The following CYP2C19 variants were observed in gnomAD, a reference collection of about 807,000 sequenced individuals.
The protein encoded by CYP2C19 is cytochrome P450 2C19.
Under a neutral mutation model 40.9 loss-of-function variants are expected in CYP2C19, and 59 were observed. The observed-to-expected ratio is 1.44, with a 90% confidence interval of 1.17 to 1.79. The LOEUF is 1.79. Among genes scored for constraint, CYP2C19 ranks in the 40% most tolerant of loss-of-function variants. The pLI, the probability that CYP2C19 is intolerant of heterozygous loss-of-function variation, is 0.00. For missense variants in CYP2C19, 754 were observed against 596.9 expected, an observed-to-expected ratio of 1.26 and a Z score of -2.74; for synonymous variants, 253 against 208.7, an observed-to-expected ratio of 1.21 and a Z score of -1.83.
At chr10:94,787,547 G>A (rs747476579) in intron 5 of CYP2C19, among the ~76,000 whole-genome samples, 2 of 151,818 alleles carry the variant, frequency 1.3e-5, no homozygotes, top group Non-Finnish European at 2.9e-5. Flanking sequence ...TGCTTTTGAG[G>A]GATTATTCAT....
chr10:94,823,729 A>C (rs956016183), intron 6 of CYP2C19, among the ~76,000 whole-genome samples: 4 of 152,206 alleles, frequency 2.6e-5, no homozygotes, highest in Admixed American at 1.3e-4. Context: ...TATTAATAGA[A>C]ATAGTGTGTT....
chr10:94,776,409 T>C (rs866078968), intron 3 of CYP2C19: 1 of 152,274 alleles, frequency 6.6e-6, no homozygotes, highest in African/African-American at 2.4e-5. Context: ...TACTCACCTA[T>C]GAAGTTTTAC....
intron 5 of CYP2C19, among the ~76,000 whole-genome samples, chr10:94,810,207 C>T (rs912874144): frequency 7.2e-5 from 11 of 152,166 alleles, no homozygotes; most frequent in Admixed American, 2.0e-4. Context: ...ATGTGTTGAA[C>T]GAGCCTTGCA....
intron 5 of CYP2C19, among the ~76,000 whole-genome samples, chr10:94,783,580 A>G (rs1356129967): frequency 6.6e-6 from 1 of 152,126 alleles, no homozygotes; most frequent in Non-Finnish European, 1.5e-5. Context: ...CAACCTTGTC[A>G]AAACCCAATT....
chr10:94,837,444 G>A (rs1274229392), intron 6 of CYP2C19, among the ~76,000 whole-genome samples: 1 of 152,200 alleles, frequency 6.6e-6, no homozygotes, highest in East Asian at 1.9e-4. Context: ...CCTCAAGCAG[G>A]GGACAACCAA....
At position 94,781,957 on chromosome 10, in the gene CYP2C19, C is replaced by G; in HGVS notation, c.779C>G (p.Pro260Arg). The G allele has an allele frequency of 1.3e-6, 2 of 1,530,946 alleles. No individual in the cohort carries two copies. The highest frequency in any genetic ancestry group is 1.7e-6 in the Non-Finnish European group (2 of 1,148,414). The allele number at this position is 1,530,946 out of a possible 1,614,324, so 94.8% of individuals were successfully genotyped here. The change falls in exon 5 of 9, where the codon CCT (proline) becomes CGT (arginine). Residue 260 changes from proline (P) to arginine (R), a missense_variant. Physicochemically the swap from Pro to Arg is moderately radical, Grantham distance 103. Transcript: ENST00000371321. The stretch of plus-strand genomic sequence containing the variant: ...CAAGAATCGATGGACATCAACAACC[C>G]TCGGGACTTTATTGATTGCTTCCTG... Reference protein sequence around the residue: ...EHQESMDINNPRDFIDCFLIK... With the variant: ...EHQESMDINNRRDFIDCFLIK...
intron 1 of CYP2C19, among the ~76,000 whole-genome samples, chr10:94,772,193 A>G (rs1045154336): frequency 2.6e-5 from 4 of 152,074 alleles, no homozygotes; most frequent in African/African-American, 9.7e-5. Context: ...GAAGGATAGA[A>G]TTTCTGAGGA....
intron 5 of CYP2C19, among the ~76,000 whole-genome samples, chr10:94,802,005 G>C (rs1222065832): frequency 1.3e-5 from 2 of 152,186 alleles, no homozygotes; most frequent in African/African-American, 2.4e-5. Flanking sequence ...GGAGACCTTA[G>C]AGGGTTGCTT....
chr10:94,830,261 C>T (rs1849311658), intron 6 of CYP2C19, among the ~76,000 whole-genome samples: 1 of 152,244 alleles, frequency 6.6e-6, no homozygotes, highest in South Asian at 2.1e-4. Context: ...AGCCTTGCTG[C>T]CACCTTGCAG....
At chr10:94,775,580 C>T (rs1848397154) in intron 3 of CYP2C19, 41 bp downstream of exon 3, 2 of 1,613,790 alleles carry the variant, frequency 1.2e-6, no homozygotes, top group African/African-American at 1.3e-5. Context: ...TTCTGGACTG[C>T]TCTCCTCTCT....
intron 6 of CYP2C19, among the ~76,000 whole-genome samples, chr10:94,833,068 T>C (rs1316488925): frequency 6.6e-6 from 1 of 152,252 alleles, no homozygotes; most frequent in East Asian, 1.9e-4. Flanking sequence ...CATTGTTCAC[T>C]GTTGGCATAT....
chr10:94,833,521 A>G (rs576545103), intron 6 of CYP2C19, among the ~76,000 whole-genome samples: 15 of 152,200 alleles, frequency 9.9e-5, no homozygotes, highest in African/African-American at 3.4e-4. Context: ...ACATATGTAT[A>G]CATGTGCCAT....
intron 1 of CYP2C19, among the ~76,000 whole-genome samples, chr10:94,763,798 G>A (rs1164874551): frequency 6.6e-6 from 1 of 152,106 alleles, no homozygotes; most frequent in Non-Finnish European, 1.5e-5. Context: ...GTTCTTTCCA[G>A]TGGGTTCTTG....
At chr10:94,802,054 T>A (rs1194421946) in intron 5 of CYP2C19, among the ~76,000 whole-genome samples, 6 of 152,134 alleles carry the variant, frequency 3.9e-5, no homozygotes, top group Admixed American at 3.9e-4. Context: ...CCCTTATTTG[T>A]CCCCACCCAT....
chr10:94,775,610 T>C, intron 3 of CYP2C19, 71 bp downstream of exon 3: 1 of 1,611,562 alleles, frequency 6.2e-7, no homozygotes, highest in South Asian at 1.1e-5. Flanking sequence ...CTTGGAAACA[T>C]TTCAGGGGTG....
In CYP2C19 at chr10:94,812,449, G is replaced by C. The variant is rs1848941633; in HGVS notation, c.820-8047G>C. Among the ~76,000 whole-genome samples the C allele has an allele frequency of 2.6e-5, 4 of 151,764 alleles. No homozygotes were observed. The South Asian group carries it at 8.4e-4, about 32-fold the overall frequency. On this transcript the variant is annotated intron_variant, in intron 5 of 8. Transcript: ENST00000371321. ...TTGCTAGATTGTGGAAGTTCTCCTG[G>C]ATAATATCCTGAAGAATGTTTTACA...
At chr10:94,781,642 C>T (rs976623069) in intron 4 of CYP2C19, among the ~76,000 whole-genome samples, 179 bp from the exon 5 acceptor site, 9 of 151,966 alleles carry the variant, frequency 5.9e-5, no homozygotes, top group African/African-American at 2.2e-4. Flanking sequence ...TCAGAATTTT[C>T]TTTCTCAAAT....
rs755993846 is a variant in CYP2C19 at position 94,781,825 on chromosome 10, G to A, written c.647G>A (p.Cys216Tyr). Residue 216 changes from cysteine to tyrosine, a missense_variant, in exon 5 of 9, where the codon TGC (cysteine) becomes TAC (tyrosine). Transcript: ENST00000371321. Reference protein sequence around the residue: ...RIVSTPWIQICNNFPTIIDYF... With the variant: ...RIVSTPWIQIYNNFPTIIDYF... ...TAAATTATTGTTTTCTCTTAGATATGCAATAATTTTCCCACTATCATTGAT... is the reference window on the plus strand; with the variant it reads ...TAAATTATTGTTTTCTCTTAGATATACAATAATTTTCCCACTATCATTGAT... 6.3e-5 allele frequency: 89 copies of A among 1,418,788 alleles called. No homozygotes were observed. The highest frequency in any genetic ancestry group is 7.9e-5 in the Non-Finnish European group (85 of 1,076,436). The allele number at this position is 1,418,788 out of a possible 1,614,324, so 87.9% of individuals were successfully genotyped here. A position where few individuals can be genotyped will look rare whatever the true frequency, so the allele number is the denominator to read the frequency against.
intron 1 of CYP2C19, among the ~76,000 whole-genome samples, chr10:94,764,183 G>T (rs1848210985): frequency 6.6e-6 from 1 of 152,078 alleles, no homozygotes; most frequent in African/African-American, 2.4e-5. Flanking sequence ...AGCATGGAAG[G>T]GGACCCAAGA....
Sources: gnomAD v4.1 joint callset for allele counts (sites outside exome capture counted in the v4.1 genomes callset) on GRCh38, gnomAD v4.1.1 for gene constraint, MANE v1.5 for transcripts, NCBI Gene and HGNC (gene_info 2026-07-23, HGNC 2026-07-21) for gene names.